The following PCYT1B variants were observed in gnomAD, a reference collection of about 807,000 sequenced individuals.
The protein encoded by PCYT1B is phosphate cytidylyltransferase 1B, choline, also known as choline-phosphate cytidylyltransferase B.
In PCYT1B, 10 loss-of-function variants were observed where a neutral mutation model predicts 26.4. That is an observed-to-expected ratio of 0.38 (90% CI 0.23 to 0.64). The LOEUF (loss-of-function observed/expected upper bound fraction) is 0.64, where lower values mean the gene tolerates loss of function less well. Among genes scored for constraint, PCYT1B ranks in the 30% least tolerant of loss-of-function variants. PCYT1B has a pLI of 0.56. For synonymous variants in PCYT1B, 131 were observed against 108.4 expected (o/e 1.21, Z -1.29); for missense variants, 161 against 292.7 (o/e 0.55, Z 3.28).
intron 2 of PCYT1B, 61 bp from the exon 3 acceptor site, chrX:24,607,922 T>C: frequency 3.4e-6 from 2 of 594,180 alleles, no homozygotes; most frequent in Non-Finnish European, 2.8e-6. Context: ...AGTTACCTTC[T>C]ATCAGTCGTA....
chrX:24,566,839 T>C (rs190136621), intron 7 of PCYT1B, among the ~76,000 whole-genome samples: 59 of 111,625 alleles, frequency 5.3e-4, no homozygotes, highest in African/African-American at 1.9e-3. Context: ...TGCTCAGGTC[T>C]TTTCCAGATT....
At chrX:24,649,833 C>G (rs1926727131), upstream of PCYT1B, among the ~76,000 whole-genome samples, 1 of 112,285 alleles carries the variant, frequency 8.9e-6, no homozygotes, top group Non-Finnish European at 1.9e-5. Context: ...CTACTTTGTG[C>G]TAAGTCCGTC....
intron 7 of PCYT1B, among the ~76,000 whole-genome samples, chrX:24,563,765 A>T (rs2148216948): frequency 9.0e-6 from 1 of 111,652 alleles, no homozygotes; most frequent in East Asian, 2.8e-4. Context: ...CCTCTGGAGA[A>T]TTCTGAGCAA....
intron 1 of PCYT1B, among the ~76,000 whole-genome samples, chrX:24,656,551 C>CTTTTTTTTTTTTTTT (rs1179469896): frequency 5.3e-5 from 3 of 56,637 alleles, no homozygotes; most frequent in Non-Finnish European, 9.0e-5. Flanking sequence ...TCTTTTTTTC[C>CTTTTTTTTTTTTTTT]TTTTTTTTTT....
intron 5 of PCYT1B, among the ~76,000 whole-genome samples, chrX:24,582,308 T>C (rs1924233553): frequency 8.9e-6 from 1 of 112,469 alleles, no homozygotes; most frequent in Non-Finnish European, 1.9e-5. Context: ...ACCCTTTCTT[T>C]GAAGCCAGAA....
chrX:24,617,380 T>TTG (rs1925539136), intron 2 of PCYT1B, among the ~76,000 whole-genome samples: 1 of 102,966 alleles, frequency 9.7e-6, no homozygotes, highest in African/African-American at 3.9e-5. Context: ...TGTTTTTTTT[T>TTG]TTGTTTGTTT....
At chrX:24,566,160 G>A (rs1923622011) in intron 7 of PCYT1B, among the ~76,000 whole-genome samples, 1 of 112,090 alleles carries the variant, frequency 8.9e-6, no homozygotes, top group Non-Finnish European at 1.9e-5. Flanking sequence ...TTCTGATGGG[G>A]AATTTGGCAA....
chrX:24,653,804 T>C (rs982706003), intron 1 of PCYT1B, among the ~76,000 whole-genome samples: 4 of 108,111 alleles, frequency 3.7e-5, no homozygotes, highest in African/African-American at 1.4e-4. Flanking sequence ...CAGGCTGGAG[T>C]GTAGTGGTGT....
intron 1 of PCYT1B, among the ~76,000 whole-genome samples, chrX:24,637,949 A>G (rs1051932154): frequency 1.8e-5 from 2 of 110,388 alleles, no homozygotes; most frequent in African/African-American, 6.6e-5. Context: ...AATAGAATTT[A>G]TTATTATGTG....
chrX:24,654,098 TTC>T (rs56152443), intron 1 of PCYT1B, among the ~76,000 whole-genome samples: 18,586 of 63,181 alleles, frequency 0.29, 3,202 homozygotes, highest in East Asian at 0.4. Context: ...CTTTCTTTCT[TTC>T]TTTTTTTTTT....
Position 24,587,227 on chromosome X carries a change from G to C in PCYT1B, c.565+14C>G. Reference sequence around the variant, plus strand: ...GTGATGTGGTTGACAGGTGAGCACAGGGGAATGCCTCACCTGCTTCCTTTA... The same window carrying C: ...GTGATGTGGTTGACAGGTGAGCACACGGGAATGCCTCACCTGCTTCCTTTA... On this transcript the variant is annotated intron_variant, in intron 5 of 7. Transcript: ENST00000379144. 8.8e-7 allele frequency: 1 copy of C among 1,140,731 alleles called. No homozygotes were observed. Among genetic ancestry groups the C allele is most frequent in the Non-Finnish European group, 1.2e-6 (1 of 831,596 alleles). The allele number at this position is 1,140,731 out of a possible 1,213,427, so 94.0% of individuals were successfully genotyped here. A position where few individuals can be genotyped will look rare whatever the true frequency, so the allele number is the denominator to read the frequency against.
chrX:24,575,734 G>A (rs937168605), intron 6 of PCYT1B, among the ~76,000 whole-genome samples: 2 of 112,334 alleles, frequency 1.8e-5, no homozygotes, highest in African/African-American at 3.2e-5. Flanking sequence ...GCCTGAGTTC[G>A]CTGTTTTACT....
Position 24,562,079 on chromosome X carries a change from G to T in PCYT1B, c.*214C>A, listed in dbSNP as rs1200655057. The T allele has an allele frequency of 8.3e-7, 1 of 1,208,527 alleles. No homozygotes were observed. The highest frequency in any genetic ancestry group is 1.7e-5 in the African/African-American group (1 of 57,711). On this transcript the variant is annotated 3_prime_UTR_variant, in exon 8 of 8. Transcript: ENST00000379144. ...CTAGACGCTAAGGTTTGTGTAGGTT[G>T]TCCAGCTAGAAGTCTCTGCACCTCG...
intron 6 of PCYT1B, 117 bp downstream of exon 6, chrX:24,579,199 A>AAGAG (rs371710868): frequency 6.8e-5 from 32 of 469,550 alleles, no homozygotes; most frequent in African/African-American, 3.6e-4. Flanking sequence ...AAAAAAAAAA[A>AAGAG]AGAGAGAGAG....
intron 1 of PCYT1B, among the ~76,000 whole-genome samples, chrX:24,646,544 A>AT (rs769937273): frequency 1.4e-4 from 15 of 110,894 alleles, no homozygotes; most frequent in African/African-American, 3.9e-4. Context: ...CCATGTTTCC[A>AT]TTTTTTTCCC....
intron 1 of PCYT1B, among the ~76,000 whole-genome samples, chrX:24,671,051 T>A (rs1239552437): frequency 9.1e-6 from 1 of 110,403 alleles, no homozygotes; most frequent in Non-Finnish European, 1.9e-5. Flanking sequence ...CACTGTAACC[T>A]CCACCTCCTG....
At chrX:24,614,470 C>T in intron 2 of PCYT1B, among the ~76,000 whole-genome samples, 1 of 111,911 alleles carries the variant, frequency 8.9e-6, no homozygotes, top group Non-Finnish European at 1.9e-5. Flanking sequence ...CTGAGATGGG[C>T]AGATCACTTG....
Position 24,628,992 on chromosome X carries a change from A to C in PCYT1B, c.118-9908T>G, listed in dbSNP as rs191400163. Among the ~76,000 whole-genome samples the C allele has an allele frequency of 1.9e-3, 213 of 111,943 alleles. 1 individual carries two copies. Among genetic ancestry groups the C allele is most frequent in the African/African-American group, 6.7e-3 (208 of 30,895 alleles). ...AAGCTGTATCATTTATACTCACATT[A>C]CAACGTATGAAAGCACCTATCTTGC... On this transcript the variant is annotated intron_variant, in intron 1 of 7. Coordinates refer to ENST00000379144, the MANE Select transcript of PCYT1B (RefSeq NM_004845.5).
chrX:24,647,264 A>C lies in PCYT1B; in HGVS notation c.-159T>G, dbSNP rs552677559. ...CTTCCCTAGGGGAAGTAAAGAGGTT[A>C]CCCCCCGCCCCTCTCTCTCTCTCTC... On this transcript the variant is annotated 5_prime_UTR_variant, in exon 1 of 8. Transcript: ENST00000379144. The C allele has an allele frequency of 1.1e-4, 113 of 984,720 alleles. 1 individual carries two copies. The highest frequency in any genetic ancestry group is 8.2e-4 in the Middle Eastern group (2 of 2,434). 81.2% of individuals were successfully genotyped at this position (984,720 alleles called of 1,213,427 possible).
Sources: allele counts gnomAD v4.1 joint callset (sites outside exome capture counted in the v4.1 genomes callset), GRCh38; gene constraint gnomAD v4.1.1; transcripts MANE v1.5; gene names NCBI Gene and HGNC (gene_info 2026-07-23, HGNC 2026-07-21).